The following G6PD variants were observed in gnomAD, a reference collection of about 807,000 sequenced individuals.
G6PD encodes glucose-6-phosphate 1-dehydrogenase.
Under a neutral mutation model 38.2 loss-of-function variants are expected in G6PD, and 2 were observed. The observed-to-expected ratio is 0.05, with a 90% CI of 0.02 to 0.16. The LOEUF is 0.16. Ranked by LOEUF, G6PD falls within the 10% of genes least tolerant of loss-of-function variation. G6PD has a pLI of 1.00. For synonymous variants in G6PD, 188 were observed against 196.0 expected, an observed-to-expected ratio of 0.96 and a Z score of 0.34; for missense variants, 310 against 471.6, an observed-to-expected ratio of 0.66 and a Z score of 3.17.
intron 7 of G6PD, 137 bp downstream of exon 7, chrX:154,533,898 G>A (rs1354889895): frequency 2.2e-5 from 26 of 1,198,514 alleles, no homozygotes; most frequent in African/African-American, 3.5e-5. Flanking sequence ...TTTCCAGCCC[G>A]GTCTGATAGC....
At chrX:154,539,309 C>T (rs1044798791) in intron 2 of G6PD, among the ~76,000 whole-genome samples, 1 of 112,104 alleles carries the variant, frequency 8.9e-6, no homozygotes, top group Non-Finnish European at 1.9e-5. Flanking sequence ...ATTCATACAA[C>T]GGATACTACT....
chrX:154,547,126 C>A, upstream of G6PD: 1 of 149,123 alleles, frequency 6.7e-6, no homozygotes, highest in Non-Finnish European at 1.2e-5. Flanking sequence ...GTAGTGCTCC[C>A]GCATCCCCAT....
At position 154,532,649 on chromosome X, in the gene G6PD, G is replaced by A; in HGVS notation, c.1205C>T (p.Thr402Ile). The part of the protein sequence containing the change: ...IRVQPNEAVY[T>I]KMMTKKPGMF... The stretch of plus-strand genomic sequence containing the variant: ...GCCCGGCTTCTTGGTCATCATCTTG[G>A]TGTACACGGCCTCGTTGGGCTGCAC... The change falls in exon 10 of 13, where the codon ACC becomes ATC. Residue 402 changes from threonine (T) to isoleucine (I), a missense_variant. Thr to Ile is a moderately conservative substitution (Grantham distance 89). This residue lies in a region of G6PD where 168 missense variants were observed against 309.2 expected (regional missense o/e 0.54). Transcript: ENST00000393562. 8.2e-7 allele frequency: 1 copy of A among 1,212,370 alleles called. No homozygotes were observed. The highest frequency in any genetic ancestry group is 1.1e-6 in the Non-Finnish European group (1 of 895,649).
intron 2 of G6PD, among the ~76,000 whole-genome samples, chrX:154,544,213 G>C (rs782747176): frequency 1.8e-5 from 2 of 108,659 alleles, no homozygotes; most frequent in East Asian, 2.9e-4. Flanking sequence ...CCAGGCTGGA[G>C]TGCAGTGGCG....
In G6PD at chrX:154,533,645, C is replaced by T. The variant is rs374222477; in HGVS notation, c.795G>A (p.Leu265=). ...CCATGGCCACCAGACACAGCATCTG[C>T]AGTAGGTGGTTCTGCATCACGTCCC... is the stretch of plus-strand genomic sequence containing the variant. ...IIRDVMQNHL[L]QMLCLVAMEK... The change falls in exon 8 of 13, where the codon CTG becomes CTA. Residue 265 remains leucine, a synonymous_variant. Coordinates refer to ENST00000393562, the MANE Select transcript of G6PD (RefSeq NM_001360016.2). 13 of 1,210,833 alleles carry T rather than the reference C, an allele frequency of 1.1e-5. No homozygotes were observed. The African/African-American group carries it at 1.7e-4, about 16-fold the overall frequency.
At chrX:154,532,508 G>A in intron 10 of G6PD, 46 bp from the exon 11 acceptor site, 3 of 1,205,619 alleles carry the variant, frequency 2.5e-6, no homozygotes, top group Non-Finnish European at 3.4e-6. Flanking sequence ...CTGCCACCAT[G>A]TGGAGTCCCC....
rs781923155 is a variant in G6PD, at chrX:154,532,063, C to T, written c.1485G>A (p.Leu495=). 6.6e-6 allele frequency: 8 copies of T among 1,208,755 alleles called. No homozygotes were observed. The highest frequency in any genetic ancestry group is 5.6e-6 in the Non-Finnish European group (5 of 894,773). The change falls in exon 13 of 13, where the codon CTG becomes CTA. Residue 495 remains leucine (L), a synonymous_variant. Coordinates refer to ENST00000393562, the MANE Select transcript of G6PD (RefSeq NM_001360016.2). ...GSRGPTEADE[L]MKRVGFQYEG... ...CATACTGGAAACCCACTCTCTTCAT[C>T]AGCTCGTCTGCCTCCGTGGGGCCTC...
Position 154,534,423 on chromosome X carries a change from T to C in G6PD, c.559A>G (p.Ile187Val), listed in dbSNP as rs782366444. ...LQSSDRLSNH[I>V]SSLFREDQIY... is the part of the protein sequence containing the mutation. ...TGGTCCTCACGGAACAGGGAGGAGA[T>C]GTGGTTGGACAGCCGGTCAGAGCTC... is the stretch of plus-strand genomic sequence containing the variant. Residue 187 changes from isoleucine (I) to valine (V), a missense_variant, in exon 6 of 13, where the codon ATC becomes GTC. By Grantham distance (29) the Ile-to-Val change is conservative. This residue lies in a region of G6PD where 168 missense variants were observed against 309.2 expected (regional missense o/e 0.54). Transcript: ENST00000393562. 4 of 1,211,066 alleles carry C rather than the reference T, an allele frequency of 3.3e-6. No homozygotes were observed. Among genetic ancestry groups the C allele is most frequent in the East Asian group, 5.9e-5 (2 of 33,815 alleles).
At position 154,531,805 on chromosome X, in the gene G6PD, TG is replaced by T; in HGVS notation, c.*194del. 1.6e-6 allele frequency: 1 copy of T among 631,062 alleles called. No individual in the cohort carries two copies. Among genetic ancestry groups the T allele is most frequent in the African/African-American group, 2.2e-5 (1 of 45,117 alleles). The allele number at this position is 631,062 out of a possible 1,213,427, so 52.0% of individuals were successfully genotyped here. Reference sequence around the variant, plus strand: ...CAGGCAGGGTCTGGAGGGGCCAGGATGGTCTCGAGTGCTTGGCAGCTGAGGA... The same window carrying T: ...CAGGCAGGGTCTGGAGGGGCCAGGATGTCTCGAGTGCTTGGCAGCTGAGGA... On this transcript the variant is annotated 3_prime_UTR_variant, in exon 13 of 13. Coordinates refer to ENST00000393562, the MANE Select transcript of G6PD (RefSeq NM_001360016.2).
At chrX:154,534,263 C>T (rs1393690691) in intron 6 of G6PD, 75 bp downstream of exon 6, 18 of 1,202,756 alleles carry the variant, frequency 1.5e-5, no homozygotes, top group East Asian at 5.9e-5. Flanking sequence ...AATTCGTCCT[C>T]GGGGAGGCAG....
chrX:154,536,313 T>A, intron 2 of G6PD, 135 bp from the exon 3 acceptor site: 1 of 589,107 alleles, frequency 1.7e-6, no homozygotes, highest in Non-Finnish European at 2.8e-6. Context: ...TTGCCTGATA[T>A]ACAGACAGAA....
At position 154,532,460 on chromosome X, in the gene G6PD, G is replaced by C; in HGVS notation, c.1290C>G (p.Asn430Lys). 2 of 1,210,956 alleles carry C rather than the reference G, an allele frequency of 1.7e-6. No individual in the cohort carries two copies. Among genetic ancestry groups the C allele is most frequent in the Non-Finnish European group, 1.1e-6 (1 of 894,929 alleles). ...GCTCATAGGCGTCAGGGAGCTTCACGTTCTGTGAGGGAGAGAGTGTCTTGC... is the reference window on the plus strand; with the variant it reads ...GCTCATAGGCGTCAGGGAGCTTCACCTTCTGTGAGGGAGAGAGTGTCTTGC... ...LDLTYGNRYK[N>K]VKLPDAYERL... The change falls in exon 11 of 13, where the codon AAC becomes AAG. Residue 430 changes from asparagine (N) to lysine (K), a missense_variant and splice_region_variant. Transcript: ENST00000393562.
intron 2 of G6PD, 55 bp downstream of exon 2, chrX:154,545,970 TGGAAAAGCTGA>T: frequency 8.4e-7 from 1 of 1,190,700 alleles, no homozygotes; most frequent in Non-Finnish European, 1.1e-6. Context: ...AACAATTAGT[TGGAAAAGCTGA>T]GGCATGGAGC....
At chrX:154,540,905 C>T (rs953738995) in intron 2 of G6PD, among the ~76,000 whole-genome samples, 36 of 111,269 alleles carry the variant, frequency 3.2e-4, no homozygotes, top group African/African-American at 7.2e-4. Context: ...TACAGCGACA[C>T]GGACCTCTCA....
chrX:154,531,913 G>A lies in G6PD; in HGVS notation c.*87C>T. 8.7e-7 allele frequency: 1 copy of A among 1,148,486 alleles called. No homozygotes were observed. Among genetic ancestry groups the A allele is most frequent in the East Asian group, 3.3e-5 (1 of 30,721 alleles). 94.6% of individuals were successfully genotyped at this position (1,148,486 alleles called of 1,213,427 possible). A position where few individuals can be genotyped will look rare whatever the true frequency, so the allele number is the denominator to read the frequency against. On this transcript the variant is annotated 3_prime_UTR_variant, in exon 13 of 13. Coordinates refer to ENST00000393562, the MANE Select transcript of G6PD (RefSeq NM_001360016.2). Reference sequence around the variant, plus strand: ...CCGGGGCCAGGAATGTGCAGCTGAGGTCAATGGTCCCGGAGTCCTCCCGAC... The same window carrying A: ...CCGGGGCCAGGAATGTGCAGCTGAGATCAATGGTCCCGGAGTCCTCCCGAC...
chrX:154,535,733 C>A (rs1557230697), intron 4 of G6PD: 1 of 467,884 alleles, frequency 2.1e-6, no homozygotes, highest in Non-Finnish European at 3.8e-6. Flanking sequence ...GAAAACGCAG[C>A]AGAGCACAGC....
intron 1 of G6PD, 66 bp downstream of exon 1, chrX:154,546,723 C>A: frequency 1.1e-6 from 1 of 937,185 alleles, no homozygotes; most frequent in Admixed American, 2.8e-5. Context: ...GTGTATTTTA[C>A]CGCCGCGCGG....
chrX:154,535,906 C>T (rs1253971326), intron 4 of G6PD, 31 bp downstream of exon 4: 1 of 1,151,537 alleles, frequency 8.7e-7, no homozygotes, highest in African/African-American at 1.8e-5. Flanking sequence ...GAGGGCAGAA[C>T]CAGGCTGGGG....
intron 2 of G6PD, among the ~76,000 whole-genome samples, chrX:154,541,757 A>G (rs899411291): frequency 2.7e-5 from 3 of 112,640 alleles, no homozygotes; most frequent in Non-Finnish European, 5.6e-5. Context: ...GGCATGATGA[A>G]GATCTCTAGC....
Sources: gnomAD v4.1 joint callset for allele counts (sites outside exome capture counted in the v4.1 genomes callset) on GRCh38, gnomAD v4.1.1 for gene constraint, gnomAD v4.1.1 regional missense constraint, MANE v1.5 for transcripts, NCBI Gene and HGNC (gene_info 2026-07-23, HGNC 2026-07-21) for gene names.